IFT74: variants seen among roughly 807,000 people sequenced by gnomAD.
IFT74 encodes intraflagellar transport protein 74 homolog.
A neutral mutation model predicts 96.7 loss-of-function variants in IFT74; 92 were observed. The ratio of observed to expected loss-of-function variants is 0.95; its 90% CI spans 0.80 to 1.13. The LOEUF is 1.13. IFT74 is among the 50% of genes most tolerant of loss of function. The pLI, the probability that IFT74 is intolerant of heterozygous loss-of-function variation, is 0.00. For synonymous variants in IFT74, 223 were observed against 213.2 expected (o/e 1.05, Z -0.40); for missense variants, 811 against 698.2 (o/e 1.16, Z -1.82).
At chr9:27,015,701 G>T (rs1829305621) in intron 10 of IFT74, among the ~76,000 whole-genome samples, 1 of 152,124 alleles carries the variant, frequency 6.6e-6, no homozygotes, top group Non-Finnish European at 1.5e-5. Flanking sequence ...TGTAGGTCCG[G>T]TTTCAAATGT....
At chr9:26,997,818 C>T in intron 8 of IFT74, 1 of 1,614,110 alleles carries the variant, frequency 6.2e-7, no homozygotes, top group Non-Finnish European at 8.5e-7. Flanking sequence ...GTTATTAATT[C>T]CAGATGAAAT....
chr9:27,012,407 G>A (rs1028952506), intron 10 of IFT74, among the ~76,000 whole-genome samples: 2 of 151,456 alleles, frequency 1.3e-5, no homozygotes, highest in African/African-American at 4.9e-5. Context: ...TTTACTTTTT[G>A]TAAAGACAGG....
intron 8 of IFT74, among the ~76,000 whole-genome samples, chr9:26,997,443 C>T (rs1374276668): frequency 1.3e-5 from 2 of 150,116 alleles, no homozygotes; most frequent in Non-Finnish European, 2.9e-5. Flanking sequence ...AAGCAATTCT[C>T]CCACCTCAGC....
intron 8 of IFT74, among the ~76,000 whole-genome samples, chr9:27,007,238 A>T (rs1476229942): frequency 6.6e-6 from 1 of 152,154 alleles, no homozygotes; most frequent in Non-Finnish European, 1.5e-5. Flanking sequence ...CCTGGACATC[A>T]TATGGCCTTT....
intron 2 of IFT74, among the ~76,000 whole-genome samples, chr9:26,975,402 T>C (rs749901706): frequency 1.3e-5 from 2 of 152,196 alleles, no homozygotes; most frequent in Non-Finnish European, 2.9e-5. Flanking sequence ...CCACTCTTCA[T>C]TGGAACCAAA....
intron 4 of IFT74, chr9:26,982,334 C>T (rs754633152): frequency 2.5e-5 from 11 of 440,698 alleles, no homozygotes; most frequent in Non-Finnish European, 4.1e-5. Flanking sequence ...TGGGATCTCA[C>T]GTCACTGCAA....
Position 27,063,809 on chromosome 9 carries a change from G to A in IFT74, c.*1073G>A, listed in dbSNP as rs956300227. Among the ~76,000 whole-genome samples the A allele has an allele frequency of 7.2e-5, 11 of 151,904 alleles. No individual in the cohort carries two copies. Among genetic ancestry groups the A allele is most frequent in the Non-Finnish European group, 1.5e-4 (10 of 67,928 alleles). Reference sequence around the variant, plus strand: ...TATAATGGTAAATTATTCAAATTCAGTCTATATACATTTAAATAAAGGAGT... The same window carrying A: ...TATAATGGTAAATTATTCAAATTCAATCTATATACATTTAAATAAAGGAGT... On this transcript the variant is annotated 3_prime_UTR_variant, in exon 20 of 20. Transcript: ENST00000380062.
chr9:26,992,317 AT>A (rs1335990664), intron 8 of IFT74, among the ~76,000 whole-genome samples: 1 of 152,174 alleles, frequency 6.6e-6, no homozygotes, highest in East Asian at 1.9e-4. Flanking sequence ...CATCCAAACC[AT>A]TTAAAAACTC....
intron 12 of IFT74, 138 bp from the exon 13 acceptor site, chr9:27,028,887 A>G (rs1587381217): frequency 1.4e-6 from 1 of 701,804 alleles, no homozygotes; most frequent in African/African-American, 1.8e-5. Context: ...CGTCAGTTAT[A>G]GTATTGTCCT....
At chr9:27,054,640 C>A (rs939332318) in intron 16 of IFT74, among the ~76,000 whole-genome samples, 1 of 152,110 alleles carries the variant, frequency 6.6e-6, no homozygotes, top group Non-Finnish European at 1.5e-5. Context: ...CTTTGTACCC[C>A]CCAAATCAAT....
At chr9:27,032,637 G>A (rs1234478866) in intron 13 of IFT74, among the ~76,000 whole-genome samples, 1 of 152,054 alleles carries the variant, frequency 6.6e-6, no homozygotes, top group Non-Finnish European at 1.5e-5. Flanking sequence ...GGAGGCTGAG[G>A]CAGGCGGATC....
intron 8 of IFT74, chr9:26,996,429 A>T: frequency 6.2e-7 from 1 of 1,605,376 alleles, no homozygotes; most frequent in Non-Finnish European, 8.5e-7. Flanking sequence ...ATTCAGCCTT[A>T]TGAGGTACTG....
intron 2 of IFT74, among the ~76,000 whole-genome samples, chr9:26,974,206 A>T (rs1373407362): frequency 1.3e-5 from 2 of 152,152 alleles, no homozygotes; most frequent in Admixed American, 1.3e-4. Flanking sequence ...ACCTGTTGAA[A>T]GGTGGATAGC....
chr9:27,047,843 C>T lies in IFT74; in HGVS notation c.1207-305C>T, dbSNP rs988279544. Among the ~76,000 whole-genome samples, 12 of 151,948 alleles carry T rather than the reference C, an allele frequency of 7.9e-5. 1 individual carries two copies. The South Asian group carries it at 2.3e-3, about 29-fold the overall frequency. ...TTGGGCATCTATTATGAAATGCATG[C>T]CCCCCTTTCAATATTCTAGTGTTTT... On this transcript the variant is annotated intron_variant, in intron 15 of 19. Transcript: ENST00000380062.
intron 8 of IFT74, among the ~76,000 whole-genome samples, chr9:26,992,427 T>C (rs1475145934): frequency 6.6e-6 from 1 of 152,160 alleles, no homozygotes; most frequent in Non-Finnish European, 1.5e-5. Context: ...GTGCAGTGGC[T>C]CATGCCTGTA....
chr9:26,949,409 C>G (rs1323528300), intron 1 of IFT74, among the ~76,000 whole-genome samples: 1 of 152,178 alleles, frequency 6.6e-6, no homozygotes, highest in Non-Finnish European at 1.5e-5. Context: ...GCTTAACTAA[C>G]AGAAACAGAC....
chr9:27,023,337 G>A (rs974178921), intron 12 of IFT74, among the ~76,000 whole-genome samples: 1 of 152,124 alleles, frequency 6.6e-6, no homozygotes, highest in Non-Finnish European at 1.5e-5. Flanking sequence ...TGTCTCTTCT[G>A]TGCTGATTTT....
At chr9:26,998,868 C>T (rs1376141353) in intron 8 of IFT74, among the ~76,000 whole-genome samples, 1 of 151,826 alleles carries the variant, frequency 6.6e-6, no homozygotes, top group African/African-American at 2.4e-5. Flanking sequence ...GTGGCAAGCA[C>T]CTGTAATCCC....
intron 10 of IFT74, among the ~76,000 whole-genome samples, chr9:27,012,740 A>G (rs1829158436): frequency 1.2e-5 from 1 of 84,618 alleles, no homozygotes; most frequent in African/African-American, 5.6e-5. Flanking sequence ...TTTTTTAGAC[A>G]GAGTATCGCT....
Sources: allele counts gnomAD v4.1 joint callset (sites outside exome capture counted in the v4.1 genomes callset), GRCh38; gene constraint gnomAD v4.1.1; transcripts MANE v1.5; gene names NCBI Gene and HGNC (gene_info 2026-07-23, HGNC 2026-07-21).